The following LRRTM4 variants were observed in gnomAD, a reference collection of about 807,000 sequenced individuals.
LRRTM4 encodes the protein leucine-rich repeat transmembrane neuronal protein 4.
In LRRTM4, 25 loss-of-function variants were observed where a neutral mutation model predicts 47.6. The ratio of observed to expected loss-of-function variants is 0.53; its 90% CI spans 0.38 to 0.73. The LOEUF (loss-of-function observed/expected upper bound fraction) is 0.73, where lower values mean the gene tolerates loss of function less well. LRRTM4 is among the 30% of genes least tolerant of loss of function. The pLI is 0.00. For missense variants in LRRTM4, 638 were observed against 713.4 expected (o/e 0.89, Z 1.20); for synonymous variants, 311 against 269.5 (o/e 1.15, Z -1.51).
chr2:77,325,807 T>G (rs1670750324), intron 3 of LRRTM4, among the ~76,000 whole-genome samples: 1 of 152,186 alleles, frequency 6.6e-6, no homozygotes, highest in Admixed American at 6.6e-5. Flanking sequence ...TATGGTTGAC[T>G]CTAAAGGCAA....
chr2:76,999,890 C>A (rs538784984), intron 3 of LRRTM4, among the ~76,000 whole-genome samples: 7 of 152,246 alleles, frequency 4.6e-5, no homozygotes, highest in Non-Finnish European at 1.0e-4. Flanking sequence ...GGTTTTCATT[C>A]TACCTTAAAA....
rs138033747 is a variant in LRRTM4, at chr2:77,229,302, C to T, written c.1551+289016G>A. 3.3e-5 allele frequency among the ~76,000 whole-genome samples: 5 copies of T among 152,188 alleles called. No individual in the cohort carries two copies. In the East Asian group the frequency reaches 9.7e-4, roughly 29 times the overall value. On this transcript the variant is annotated intron_variant, in intron 3 of 3. Transcript: ENST00000409884. ...GGTATCACCTGTAATCACTGAGTAACAACTTAGTATTTCCAGCCCCAAACT... is the reference window on the plus strand; with the variant it reads ...GGTATCACCTGTAATCACTGAGTAATAACTTAGTATTTCCAGCCCCAAACT...
chr2:77,021,003 G>T (rs1035261278), intron 3 of LRRTM4, among the ~76,000 whole-genome samples: 3 of 152,082 alleles, frequency 2.0e-5, no homozygotes, highest in African/African-American at 7.2e-5. Flanking sequence ...TATATGCTTG[G>T]AGCATGAAGG....
intron 3 of LRRTM4, among the ~76,000 whole-genome samples, chr2:77,324,074 C>G (rs909542499): frequency 1.3e-5 from 2 of 152,154 alleles, no homozygotes; most frequent in African/African-American, 4.8e-5. Context: ...CACATCACCA[C>G]TACCTCCAAA....
intron 3 of LRRTM4, among the ~76,000 whole-genome samples, chr2:77,203,044 A>G (rs1674021744): frequency 6.6e-6 from 1 of 152,056 alleles, no homozygotes; most frequent in South Asian, 2.1e-4. Flanking sequence ...TGAATTTGAT[A>G]ATTTTGCAAA....
At chr2:76,954,823 A>G (rs894997970) in intron 3 of LRRTM4, among the ~76,000 whole-genome samples, 1 of 151,906 alleles carries the variant, frequency 6.6e-6, no homozygotes, top group Non-Finnish European at 1.5e-5. Context: ...AACTCACCAC[A>G]TCACATACAT....
At chr2:76,859,850 T>C (rs896109115) in intron 3 of LRRTM4, among the ~76,000 whole-genome samples, 4 of 152,176 alleles carry the variant, frequency 2.6e-5, no homozygotes, top group Non-Finnish European at 5.9e-5. Flanking sequence ...TCCAATCTTG[T>C]GTACAGTTTA....
At chr2:77,110,293 C>G (rs1320496890) in intron 3 of LRRTM4, among the ~76,000 whole-genome samples, 3 of 152,080 alleles carry the variant, frequency 2.0e-5, no homozygotes, top group Non-Finnish European at 4.4e-5. Flanking sequence ...AATTTATGTT[C>G]AGCAAAACCA....
At chr2:76,757,873 T>C (rs1673110659) in intron 3 of LRRTM4, among the ~76,000 whole-genome samples, 1 of 152,044 alleles carries the variant, frequency 6.6e-6, no homozygotes, top group African/African-American at 2.4e-5. Flanking sequence ...CAGAAACAAA[T>C]CCTATCAGCC....
At chr2:76,793,992 T>C (rs1206130250) in intron 3 of LRRTM4, among the ~76,000 whole-genome samples, 5 of 152,198 alleles carry the variant, frequency 3.3e-5, no homozygotes, top group East Asian at 1.9e-4. Flanking sequence ...TTGGAGAATA[T>C]TTTTCTGTGT....
At chr2:76,971,295 C>T (rs115645347) in intron 3 of LRRTM4, among the ~76,000 whole-genome samples, 34,276 of 151,792 alleles carry the variant, frequency 0.23, 4,578 homozygotes, top group African/African-American at 0.37. Context: ...TGTTGGAGCC[C>T]TAGGATATGT....
At chr2:76,922,583 T>A (rs1204476888) in intron 3 of LRRTM4, among the ~76,000 whole-genome samples, 1 of 151,986 alleles carries the variant, frequency 6.6e-6, no homozygotes, top group African/African-American at 2.4e-5. Context: ...TTTGAATTCA[T>A]AGAAGCAGAA....
intron 3 of LRRTM4, among the ~76,000 whole-genome samples, chr2:77,150,296 A>T (rs1401139705): frequency 5.9e-5 from 9 of 152,184 alleles, no homozygotes; most frequent in Non-Finnish European, 1.3e-4. Flanking sequence ...CCAGGCTACA[A>T]TGTCACCAAG....
Position 77,518,660 on chromosome 2 carries a change from G to A in LRRTM4, c.1209C>T (p.Ser403=). The A allele has an allele frequency of 6.2e-7, 1 of 1,613,452 alleles. No individual in the cohort carries two copies. The highest frequency in any genetic ancestry group is 1.1e-5 in the South Asian group (1 of 91,076). Residue 403 remains serine (S), a synonymous_variant, in exon 3 of 4, where the codon AGC becomes AGT. Transcript: ENST00000409884. The part of the protein sequence containing the change: ...DVTQSTFETP[S]PSPGFQIPGA... ...CAGGAATCTGAAACCCTGGGGAAGG[G>A]CTTGGTGTTTCAAAGGTGGATTGGG...
chr2:77,198,869 C>T lies in LRRTM4; in HGVS notation c.1551+319449G>A, dbSNP rs80317621. Reference sequence around the variant, plus strand: ...TAACTACTACATTCTTAGTGCTCATCATGTTGCCTGCATATATTATTTTCT... The same window carrying T: ...TAACTACTACATTCTTAGTGCTCATTATGTTGCCTGCATATATTATTTTCT... On this transcript the variant is annotated intron_variant, in intron 3 of 3. Coordinates refer to ENST00000409884, the MANE Select transcript of LRRTM4 (RefSeq NM_001134745.3). Among the ~76,000 whole-genome samples the T allele has an allele frequency of 7.7e-4, 118 of 152,266 alleles. 1 individual carries two copies. The highest frequency in any genetic ancestry group is 2.6e-3 in the African/African-American group (110 of 41,556).
chr2:76,843,800 G>A (rs1386171087), intron 3 of LRRTM4, among the ~76,000 whole-genome samples: 1 of 151,936 alleles, frequency 6.6e-6, no homozygotes, highest in African/African-American at 2.4e-5. Context: ...CTACTTATAT[G>A]TATCTTCAAA....
chr2:77,364,472 A>C (rs1042458075), intron 3 of LRRTM4, among the ~76,000 whole-genome samples: 7 of 152,154 alleles, frequency 4.6e-5, no homozygotes, highest in African/African-American at 1.7e-4. Flanking sequence ...ATTGCCGGAC[A>C]TATTTTAAAG....
intron 3 of LRRTM4, among the ~76,000 whole-genome samples, chr2:77,512,095 C>T (rs1372116020): frequency 6.6e-6 from 1 of 152,130 alleles, no homozygotes; most frequent in African/African-American, 2.4e-5. Context: ...GTAGCTGGGA[C>T]TACAGGTGTA....
intron 3 of LRRTM4, among the ~76,000 whole-genome samples, chr2:76,923,856 AC>A (rs1229278018): frequency 6.6e-6 from 1 of 152,128 alleles, no homozygotes; most frequent in African/African-American, 2.4e-5. Flanking sequence ...GTATAGGGTC[AC>A]AAATCATTAT....
Sources: allele counts gnomAD v4.1 joint callset (sites outside exome capture counted in the v4.1 genomes callset), GRCh38; gene constraint gnomAD v4.1.1; transcripts MANE v1.5; gene names NCBI Gene and HGNC (gene_info 2026-07-23, HGNC 2026-07-21).